Variants in MTHFD2L observed in about 807,000 individuals in gnomAD.
MTHFD2L encodes the protein bifunctional methylenetetrahydrofolate dehydrogenase/cyclohydrolase 2, mitochondrial.
A neutral mutation model predicts 34.9 loss-of-function variants in MTHFD2L; 29 were observed. That is an observed-to-expected ratio of 0.83 (90% CI 0.62 to 1.13). The LOEUF (loss-of-function observed/expected upper bound fraction) is 1.13, where lower values mean the gene tolerates loss of function less well. Ranked by LOEUF, MTHFD2L falls within the 50% of genes most tolerant of loss-of-function variation. The pLI is 0.00. For synonymous variants in MTHFD2L, 167 were observed against 155.7 expected, an observed-to-expected ratio of 1.07 and a Z score of -0.54; for missense variants, 481 against 446.5, an observed-to-expected ratio of 1.08 and a Z score of -0.70.
chr4:74,222,079 G>A (rs889624824), intron 5 of MTHFD2L, among the ~76,000 whole-genome samples: 12 of 151,388 alleles, frequency 7.9e-5, no homozygotes, highest in Non-Finnish European at 1.3e-4. Context: ...TGATTATCTG[G>A]TTGGTCAGCT....
chr4:74,291,003 C>CCTTTTTTTTTTTTTTTTTTTTT (rs1748846516), intron 7 of MTHFD2L, among the ~76,000 whole-genome samples: 3 of 29,272 alleles, frequency 1.0e-4, no homozygotes, highest in Non-Finnish European at 2.0e-4. Flanking sequence ...TTTTCCTTTT[C>CCTTTTTTTTTTTTTTTTTTTTT]TTTTTTTTTT....
At chr4:74,228,239 C>T (rs949314804) in intron 6 of MTHFD2L, among the ~76,000 whole-genome samples, 5 of 152,132 alleles carry the variant, frequency 3.3e-5, no homozygotes, top group African/African-American at 1.2e-4. Context: ...ACTGCTTCAG[C>T]CACTGATACC....
At chr4:74,122,797 A>C (rs1409180463), upstream of MTHFD2L, among the ~76,000 whole-genome samples, 1 of 152,158 alleles carries the variant, frequency 6.6e-6, no homozygotes, top group African/African-American at 2.4e-5. Flanking sequence ...TATTGGGATA[A>C]TTGTCATAAT....
At chr4:74,126,670 T>C (rs1412572996) in intron 1 of MTHFD2L, among the ~76,000 whole-genome samples, 3 of 152,160 alleles carry the variant, frequency 2.0e-5, no homozygotes, top group Non-Finnish European at 4.4e-5. Context: ...CCCCTACCAG[T>C]ATATAATTCA....
chr4:74,161,502 C>T (rs1725459513), intron 1 of MTHFD2L: 1 of 152,150 alleles, frequency 6.6e-6, no homozygotes, highest in South Asian at 2.1e-4. Flanking sequence ...CTAAGAAGTT[C>T]TTATGTCATT....
At chr4:74,255,961 T>C (rs927402874) in intron 6 of MTHFD2L, among the ~76,000 whole-genome samples, 5 of 152,212 alleles carry the variant, frequency 3.3e-5, no homozygotes, top group African/African-American at 4.8e-5. Flanking sequence ...AGTGGACATA[T>C]GAGTATATGT....
At chr4:74,122,211 G>C (rs973086536), upstream of MTHFD2L, among the ~76,000 whole-genome samples, 72 of 152,232 alleles carry the variant, frequency 4.7e-4, no homozygotes, top group African/African-American at 1.6e-3. Context: ...AGAACTACCT[G>C]AGGCTGGGTA....
intron 6 of MTHFD2L, among the ~76,000 whole-genome samples, chr4:74,269,912 A>G (rs1259117147): frequency 1.3e-5 from 2 of 152,148 alleles, no homozygotes; most frequent in African/African-American, 2.4e-5. Flanking sequence ...TGATCCAAGG[A>G]GACACTAAAG....
At chr4:74,203,109 A>G (rs778094613) in intron 5 of MTHFD2L, among the ~76,000 whole-genome samples, 5 of 152,140 alleles carry the variant, frequency 3.3e-5, no homozygotes, top group Admixed American at 1.3e-4. Flanking sequence ...TTCCCTTTCT[A>G]TGCCTAAAGA....
At chr4:74,179,762 T>A (rs530940800) in intron 3 of MTHFD2L, among the ~76,000 whole-genome samples, 1 of 152,272 alleles carries the variant, frequency 6.6e-6, no homozygotes, top group Admixed American at 6.6e-5. Flanking sequence ...TAATAAATAA[T>A]TTAAATATTC....
chr4:74,138,451 G>A (rs942773002), intron 1 of MTHFD2L, among the ~76,000 whole-genome samples: 1 of 152,106 alleles, frequency 6.6e-6, no homozygotes, highest in Non-Finnish European at 1.5e-5. Context: ...TGGGCCATGC[G>A]GTGAGTGTTA....
chr4:74,247,094 A>G (rs935115642), intron 6 of MTHFD2L, among the ~76,000 whole-genome samples: 1 of 148,538 alleles, frequency 6.7e-6, no homozygotes, highest in Non-Finnish European at 1.5e-5. Context: ...CACAATATTG[A>G]TTCTTCCTAC....
chr4:74,137,649 T>A (rs1307280714), intron 1 of MTHFD2L, among the ~76,000 whole-genome samples: 1 of 152,186 alleles, frequency 6.6e-6, no homozygotes, highest in African/African-American at 2.4e-5. Flanking sequence ...AGAAGATATC[T>A]GCATTCCCAT....
intron 1 of MTHFD2L, among the ~76,000 whole-genome samples, chr4:74,138,750 T>G (rs513726): frequency 0.99 from 150,727 of 152,202 alleles, 74,656 homozygotes; most frequent in East Asian, 1. Context: ...AGAAGAGTGT[T>G]CAGTAGCAAG....
At chr4:74,205,162 G>C (rs1244172766) in intron 5 of MTHFD2L, among the ~76,000 whole-genome samples, 2 of 152,154 alleles carry the variant, frequency 1.3e-5, no homozygotes, top group African/African-American at 2.4e-5. Context: ...GCATATTTAA[G>C]AGGAGTATGA....
At chr4:74,121,643 T>C (rs1314178002), upstream of MTHFD2L, among the ~76,000 whole-genome samples, 1 of 145,330 alleles carries the variant, frequency 6.9e-6, no homozygotes, top group Non-Finnish European at 1.5e-5. Context: ...TAATTATACA[T>C]ATATAATTAT....
chr4:74,119,896 T>C (rs1367223853), upstream of MTHFD2L, among the ~76,000 whole-genome samples: 2 of 152,130 alleles, frequency 1.3e-5, no homozygotes, highest in African/African-American at 4.8e-5. Context: ...TGGTTGGCTA[T>C]GCAATGAAGC....
At chr4:74,175,425 T>G (rs199826423) in intron 3 of MTHFD2L, 22 bp downstream of exon 3, 692 of 1,588,052 alleles carry the variant, frequency 4.4e-4, no homozygotes, top group Non-Finnish European at 5.8e-4. Flanking sequence ...TCCTCTTATT[T>G]ATCTGATTTT....
intron 3 of MTHFD2L, chr4:74,195,904 A>C (rs1193416598): frequency 6.6e-6 from 1 of 152,546 alleles, no homozygotes; most frequent in Non-Finnish European, 1.5e-5. Flanking sequence ...AGAGGCAATC[A>C]GAACATTCCT....
Sources: allele counts gnomAD v4.1 joint callset (sites outside exome capture counted in the v4.1 genomes callset), GRCh38; gene constraint gnomAD v4.1.1; transcripts MANE v1.5; gene names NCBI Gene and HGNC (gene_info 2026-07-23, HGNC 2026-07-21).